Variants in HNRNPA2B1 observed in about 807,000 individuals in gnomAD.
HNRNPA2B1 encodes heterogeneous nuclear ribonucleoprotein A2/B1.
A neutral mutation model predicts 46.3 loss-of-function variants in HNRNPA2B1; 3 were observed. The ratio of observed to expected loss-of-function variants is 0.06; its 90% CI spans 0.03 to 0.17. The LOEUF is 0.17. Ranked by LOEUF, HNRNPA2B1 falls within the 10% of genes least tolerant of loss-of-function variation. The pLI is 1.00. For missense variants in HNRNPA2B1, 221 were observed against 418.9 expected (o/e 0.53, Z 4.12); for synonymous variants, 225 against 133.8 (o/e 1.68, Z -4.70).
intron 1 of HNRNPA2B1, chr7:26,198,028 T>A (rs1783854030): frequency 2.4e-6 from 1 of 412,428 alleles, no homozygotes; most frequent in East Asian, 3.8e-5. Flanking sequence ...AATTATTAAT[T>A]AAAAAAAAAA....
In HNRNPA2B1 at chr7:26,190,882, TA is replaced by T. The variant is rs767946822; in HGVS notation, c.*1477del. 16 of 152,558 alleles carry T rather than the reference TA, an allele frequency of 1.0e-4. No individual in the cohort carries two copies. The highest frequency in any genetic ancestry group is 2.2e-4 in the Non-Finnish European group (15 of 67,996). The allele number at this position is 152,558 out of a possible 1,614,324, so 9.5% of individuals were successfully genotyped here. On this transcript the variant is annotated 3_prime_UTR_variant, in exon 11 of 11. Transcript: ENST00000618183. ...CCATAAATACAACAAATGTCTTTAA[TA>T]AAAACCCCTAGTTCACTCAAAATGT... is the stretch of plus-strand genomic sequence containing the variant.
intron 4 of HNRNPA2B1, 33 bp downstream of exon 4, chr7:26,196,773 GA>G (rs752982811): frequency 2.5e-6 from 4 of 1,592,206 alleles, no homozygotes; most frequent in Non-Finnish European, 2.6e-6. Flanking sequence ...GAATACACTG[GA>G]AAAAAACAGT....
rs113085564 is a variant in HNRNPA2B1 at position 26,193,376 on chromosome 7, A to G, written c.842-3T>C. ...GTAATTTCCACTTCCATAATTTCCT[A>G]TTAAAAAATTGGAATACTCAGAACA... On this transcript the variant is annotated splice_region_variant and splice_polypyrimidine_tract_variant and intron_variant, in intron 8 of 10. Transcript: ENST00000618183. 2.0e-5 allele frequency: 33 copies of G among 1,609,828 alleles called. No homozygotes were observed. The highest frequency in any genetic ancestry group is 2.7e-5 in the Non-Finnish European group (32 of 1,176,600).
At chr7:26,200,516 G>A (rs938758093) in intron 1 of HNRNPA2B1, 56 bp downstream of exon 1, 4 of 1,592,152 alleles carry the variant, frequency 2.5e-6, no homozygotes, top group African/African-American at 1.3e-5. Context: ...TTCCACTGAG[G>A]CGCCAACGGC....
intron 1 of HNRNPA2B1, chr7:26,198,732 C>A (rs2128126948): frequency 6.6e-6 from 1 of 152,340 alleles, no homozygotes; most frequent in South Asian, 2.1e-4. Flanking sequence ...GGTTAAAAAA[C>A]CTCAAACGAG....
At chr7:26,196,307 T>TC in intron 6 of HNRNPA2B1, 94 bp downstream of exon 6, 1 of 1,020,550 alleles carries the variant, frequency 9.8e-7, no homozygotes. Flanking sequence ...GAAAATTGAC[T>TC]TAGGTTGGAT....
chr7:26,200,097 T>G, intron 1 of HNRNPA2B1: 1 of 185,592 alleles, frequency 5.4e-6, no homozygotes, highest in Non-Finnish European at 1.1e-5. Context: ...AATAAAAGAG[T>G]TATAAGGAAA....
intron 4 of HNRNPA2B1, 24 bp downstream of exon 4, chr7:26,196,783 G>C (rs746529653): frequency 6.3e-7 from 1 of 1,599,974 alleles, no homozygotes; most frequent in Admixed American, 1.7e-5. Context: ...GAAAAAAACA[G>C]TACATTTGTG....
intron 6 of HNRNPA2B1, 71 bp from the exon 7 acceptor site, chr7:26,195,980 TTC>T: frequency 2.0e-6 from 3 of 1,526,474 alleles, no homozygotes; most frequent in Non-Finnish European, 1.8e-6. Flanking sequence ...TCATTTTCAG[TTC>T]TCTTACTACC....
At chr7:26,193,411 T>C in intron 8 of HNRNPA2B1, 38 bp from the exon 9 acceptor site, 4 of 1,594,170 alleles carry the variant, frequency 2.5e-6, no homozygotes, top group Non-Finnish European at 3.4e-6. Flanking sequence ...AATACAAACA[T>C]TAAACCAAGG....
At chr7:26,196,720 T>C (rs1280703247) in intron 4 of HNRNPA2B1, 62 bp from the exon 5 acceptor site, 4 of 1,565,878 alleles carry the variant, frequency 2.6e-6, no homozygotes, top group Admixed American at 3.4e-5. Context: ...GCTTCAAAAG[T>C]TTACCTTTCA....
rs933810937 is a variant in HNRNPA2B1 at position 26,190,639 on chromosome 7, A to C, written c.*1721T>G. 6.6e-6 allele frequency: 1 copy of C among 152,212 alleles called. No individual in the cohort carries two copies. Among genetic ancestry groups the C allele is most frequent in the Non-Finnish European group, 1.5e-5 (1 of 68,026 alleles). The allele number at this position is 152,212 out of a possible 1,614,324, so 9.4% of individuals were successfully genotyped here. On this transcript the variant is annotated 3_prime_UTR_variant, in exon 11 of 11. Transcript: ENST00000618183. The stretch of plus-strand genomic sequence containing the variant: ...GCAATCAAACTGATCATATCTAAGG[A>C]ATGAATTTCAACAGCCAACCTACAA...
In HNRNPA2B1 at chr7:26,189,932, T is replaced by C. The variant is rs1302695389; in HGVS notation, c.*2428A>G. On this transcript the variant is annotated 3_prime_UTR_variant, in exon 11 of 11. Transcript: ENST00000618183. ...GAGTACTCAAACGCTGAATATACAG[T>C]GCATAATGAACAGCATTTTATTGGG... 2 of 152,190 alleles carry C rather than the reference T, an allele frequency of 1.3e-5. No individual in the cohort carries two copies. The highest frequency in any genetic ancestry group is 2.9e-5 in the Non-Finnish European group (2 of 68,018). The allele number at this position is 152,190 out of a possible 1,614,324, so 9.4% of individuals were successfully genotyped here.
chr7:26,192,876 C>G (rs1372227960), intron 9 of HNRNPA2B1, among the ~76,000 whole-genome samples: 1 of 152,082 alleles, frequency 6.6e-6, no homozygotes, highest in African/African-American at 2.4e-5. Context: ...CTAGTTTACT[C>G]CTAGCTAAAA....
chr7:26,194,030 A>C lies in HNRNPA2B1; in HGVS notation c.722-336T>G, dbSNP rs4722589. ...AGTAGTGTGGGCTAGAGGGAAAGTA[A>C]AAGAGCACTTCCTCCTACTGGCCCA... On this transcript the variant is annotated intron_variant, in intron 7 of 10. Coordinates refer to ENST00000618183, the MANE Select transcript of HNRNPA2B1 (RefSeq NM_002137.4). Among the ~76,000 whole-genome samples the C allele has an allele frequency of 0.068, 10,322 of 152,300 alleles. 480 individuals carry two copies. Among genetic ancestry groups the C allele is most frequent in the Non-Finnish European group, 0.1 (7,093 of 68,018 alleles).
Position 26,192,585 on chromosome 7 carries a change from T to G in HNRNPA2B1, c.965-8A>C, listed in dbSNP as rs375654477. 2.2e-5 allele frequency: 36 copies of G among 1,613,248 alleles called. No homozygotes were observed. The highest frequency in any genetic ancestry group is 3.0e-5 in the Non-Finnish European group (35 of 1,179,338). On this transcript the variant is annotated splice_region_variant and splice_polypyrimidine_tract_variant and intron_variant, in intron 9 of 10. Transcript: ENST00000618183. ...CTCCTGGACCATAGTTTCCTATAATTGTTGGAACAGCAAGAGAAAACAAAC... is the reference window on the plus strand; with the variant it reads ...CTCCTGGACCATAGTTTCCTATAATGGTTGGAACAGCAAGAGAAAACAAAC...
intron 7 of HNRNPA2B1, 151 bp from the exon 8 acceptor site, chr7:26,193,845 TTGG>T (rs1213364795): frequency 1.8e-5 from 13 of 712,092 alleles, no homozygotes; most frequent in Admixed American, 6.5e-5. Flanking sequence ...ATAACTATCC[TTGG>T]TAAACATTTG....
Position 26,200,673 on chromosome 7 carries a change from A to T in HNRNPA2B1, c.-96T>A. 6.8e-7 allele frequency: 1 copy of T among 1,477,804 alleles called. No individual in the cohort carries two copies. The highest frequency in any genetic ancestry group is 9.4e-7 in the Non-Finnish European group (1 of 1,060,022). The allele number at this position is 1,477,804 out of a possible 1,614,324, so 91.5% of individuals were successfully genotyped here. ...CGAACCGGACTCGTCCTGGCGCTGT[A>T]GTGAGAACTGCCGCTGCTCGAGAAA... On this transcript the variant is annotated 5_prime_UTR_variant, in exon 1 of 11. Coordinates refer to ENST00000618183, the MANE Select transcript of HNRNPA2B1 (RefSeq NM_002137.4).
chr7:26,198,946 A>C (rs968163275), intron 1 of HNRNPA2B1: 1 of 152,180 alleles, frequency 6.6e-6, no homozygotes, highest in Non-Finnish European at 1.5e-5. Flanking sequence ...TTTTTCCTGT[A>C]GTTTTCATGA....
Sources: allele counts gnomAD v4.1 joint callset (sites outside exome capture counted in the v4.1 genomes callset), GRCh38; gene constraint gnomAD v4.1.1; transcripts MANE v1.5; gene names NCBI Gene and HGNC (gene_info 2026-07-23, HGNC 2026-07-21).